The following TSPO variants were observed in gnomAD, a reference collection of about 807,000 sequenced individuals.
The protein encoded by TSPO is benzodiazepine peripheral binding site.
Under a neutral mutation model 13.9 loss-of-function variants are expected in TSPO, and 14 were observed. The ratio of observed to expected loss-of-function variants is 1.01; its 90% confidence interval spans 0.67 to 1.58. The LOEUF (loss-of-function observed/expected upper bound fraction) is 1.58. TSPO is among the 40% of genes most tolerant of loss of function. The pLI, the probability that TSPO is intolerant of heterozygous loss-of-function variation, is 0.00. For synonymous variants in TSPO, 114 were observed against 105.9 expected, an observed-to-expected ratio of 1.08 and a Z score of -0.47; for missense variants, 232 against 229.6, an observed-to-expected ratio of 1.01 and a Z score of -0.07.
intron 1 of TSPO, among the ~76,000 whole-genome samples, chr22:43,153,720 CTTTTT>C (rs992811026): frequency 6.6e-6 from 1 of 151,426 alleles, no homozygotes; most frequent in African/African-American, 2.4e-5. Flanking sequence ...AAACGGTAGT[CTTTTT>C]TATTTTTTTT....
Position 43,163,005 on chromosome 22 carries a change from C to A in TSPO, c.*14C>A. 1.3e-6 allele frequency: 2 copies of A among 1,578,160 alleles called. No individual in the cohort carries two copies. The highest frequency in any genetic ancestry group is 2.3e-5 in the East Asian group (1 of 42,738). On this transcript the variant is annotated 3_prime_UTR_variant, in exon 4 of 4. Coordinates refer to ENST00000337554, the MANE Select transcript of TSPO (RefSeq NM_000714.6). Reference sequence around the variant, plus strand: ...CTGCCAGAGTGAGTGCCCGGCCCACCAGGGACTGCAGCTGCACCAGCAGGT... The same window carrying A: ...CTGCCAGAGTGAGTGCCCGGCCCACAAGGGACTGCAGCTGCACCAGCAGGT...
At chr22:43,161,310 GTC>G in intron 3 of TSPO, 120 bp downstream of exon 3, 2 of 1,404,590 alleles carry the variant, frequency 1.4e-6, no homozygotes, top group Non-Finnish European at 9.5e-7. Context: ...AAAAGGCCAT[GTC>G]TCTCTAGCTG....
In TSPO at chr22:43,160,784, C is replaced by T. The variant is rs1016094158; in HGVS notation, c.183-268C>T. The stretch of plus-strand genomic sequence containing the variant: ...CTACCTATTCACACCATGTGCTTCC[C>T]TTTCATAGCAGTGACAGTGATAATA... On this transcript the variant is annotated intron_variant, in intron 2 of 3. Transcript: ENST00000337554. 3.3e-5 allele frequency among the ~76,000 whole-genome samples: 5 copies of T among 152,360 alleles called. 1 individual carries two copies. Among genetic ancestry groups the T allele is most frequent in the African/African-American group, 1.2e-4 (5 of 41,584 alleles).
intron 1 of TSPO, among the ~76,000 whole-genome samples, chr22:43,155,118 A>G (rs887721978): frequency 7.1e-6 from 1 of 141,432 alleles, no homozygotes; most frequent in Non-Finnish European, 1.5e-5. Flanking sequence ...GCTCAAAGGG[A>G]GGGGTGGGGT....
chr22:43,155,029 G>A (rs1931206342), intron 1 of TSPO, among the ~76,000 whole-genome samples: 1 of 152,032 alleles, frequency 6.6e-6, no homozygotes, highest in Non-Finnish European at 1.5e-5. Flanking sequence ...TGTTTCAGAT[G>A]AGGAAGGAGG....
Position 43,159,227 on chromosome 22 carries a change from G to T in TSPO, c.-12G>T. The T allele has an allele frequency of 6.5e-7, 1 of 1,534,296 alleles. No homozygotes were observed. ...TCTTTCAGAGCTCCCCTGAACAGCA[G>T]CTGCAGCAGCCATGGCCCCGCCCTG... On this transcript the variant is annotated 5_prime_UTR_variant, in exon 2 of 4. Transcript: ENST00000337554.
At chr22:43,159,827 G>A (rs1427322268) in intron 2 of TSPO, among the ~76,000 whole-genome samples, 2 of 152,150 alleles carry the variant, frequency 1.3e-5, no homozygotes, top group African/African-American at 2.4e-5. Context: ...ATAATAAGAG[G>A]CCTCCCAAGG....
chr22:43,161,406 G>C (rs1214104113), intron 3 of TSPO, among the ~76,000 whole-genome samples: 3 of 152,190 alleles, frequency 2.0e-5, no homozygotes, highest in South Asian at 4.1e-4. Context: ...TGCAGGGGTG[G>C]GTTTGGGGGC....
chr22:43,156,476 T>C (rs1356691139), intron 1 of TSPO, among the ~76,000 whole-genome samples: 1 of 141,410 alleles, frequency 7.1e-6, no homozygotes, highest in Non-Finnish European at 1.5e-5. Flanking sequence ...GTGATTCCAT[T>C]GATACCAAAT....
intron 1 of TSPO, among the ~76,000 whole-genome samples, chr22:43,152,869 C>A: frequency 6.6e-6 from 1 of 152,212 alleles, no homozygotes; most frequent in East Asian, 1.9e-4. Flanking sequence ...CGTCTGTACA[C>A]ACTTGTGCCT....
At chr22:43,154,143 T>C (rs5759197) in intron 1 of TSPO, among the ~76,000 whole-genome samples, 76,356 of 151,936 alleles carry the variant, frequency 0.5, 22,733 homozygotes, top group East Asian at 0.98. Flanking sequence ...TGGTTACTTT[T>C]GTAATGAAAA....
Position 43,159,259 on chromosome 22 carries a change from C to G in TSPO, c.21C>G (p.Pro7=). Residue 7 remains proline (P), a synonymous_variant, in exon 2 of 4, where the codon CCC becomes CCG. Transcript: ENST00000337554. The part of the protein sequence containing the change: MAPPWV[P]AMGFTLAPSL... ...CAGCCATGGCCCCGCCCTGGGTGCCCGCCATGGGCTTCACGCTGGCGCCCA... is the reference window on the plus strand; with the variant it reads ...CAGCCATGGCCCCGCCCTGGGTGCCGGCCATGGGCTTCACGCTGGCGCCCA... 6.4e-7 allele frequency: 1 copy of G among 1,558,084 alleles called. No homozygotes were observed. The highest frequency in any genetic ancestry group is 2.4e-5 in the East Asian group (1 of 41,814).
Position 43,162,788 on chromosome 22 carries a change from C to T in TSPO, c.322-15C>T, listed in dbSNP as rs1283605594. ...GCCTCAGGCCTCCCCATCCTCCGTC[C>T]CCCAATCTCTGCAGGCCTTGGTGGA... On this transcript the variant is annotated splice_polypyrimidine_tract_variant and intron_variant, in intron 3 of 3. Coordinates refer to ENST00000337554, the MANE Select transcript of TSPO (RefSeq NM_000714.6). 6.5e-7 allele frequency: 1 copy of T among 1,547,362 alleles called. No individual in the cohort carries two copies. Among genetic ancestry groups the T allele is most frequent in the South Asian group, 1.2e-5 (1 of 82,160 alleles).
intron 1 of TSPO, 74 bp from the exon 2 acceptor site, chr22:43,159,136 G>A: frequency 2.5e-6 from 3 of 1,214,822 alleles, no homozygotes; most frequent in Non-Finnish European, 3.3e-6. Flanking sequence ...GGCCTTTCGG[G>A]GATGCTGGAG....
chr22:43,153,336 C>CTTTTTTTT, intron 1 of TSPO, among the ~76,000 whole-genome samples: 1 of 50,746 alleles, frequency 2.0e-5, no homozygotes, highest in Non-Finnish European at 3.5e-5. Context: ...TTTGTGTTTT[C>CTTTTTTTT]TTTTTTTTTT....
chr22:43,155,699 T>A (rs908978209), intron 1 of TSPO, among the ~76,000 whole-genome samples: 1 of 151,382 alleles, frequency 6.6e-6, no homozygotes, highest in South Asian at 2.1e-4. Flanking sequence ...CCACCTGACG[T>A]TGGAGGAAGC....
intron 3 of TSPO, among the ~76,000 whole-genome samples, chr22:43,162,418 G>T (rs945862562): frequency 6.6e-6 from 1 of 152,174 alleles, no homozygotes; most frequent in Admixed American, 6.6e-5. Flanking sequence ...CACTGCACCT[G>T]ACAAATAGCA....
At chr22:43,151,645 G>A (rs1043837815) in intron 1 of TSPO, 41 bp downstream of exon 1, 1 of 152,388 alleles carries the variant, frequency 6.6e-6, no homozygotes, top group African/African-American at 2.4e-5. Flanking sequence ...CGGGAAGTGG[G>A]GGCCCGCATG....
intron 1 of TSPO, among the ~76,000 whole-genome samples, chr22:43,155,947 C>CCCT (rs1215538258): frequency 1.3e-5 from 2 of 152,196 alleles, no homozygotes; most frequent in African/African-American, 2.4e-5. Context: ...TGGTGGGTAC[C>CCCT]GCCCCTGCCC....
Sources: allele counts gnomAD v4.1 joint callset (sites outside exome capture counted in the v4.1 genomes callset), GRCh38; gene constraint gnomAD v4.1.1; transcripts MANE v1.5; gene names NCBI Gene and HGNC (gene_info 2026-07-23, HGNC 2026-07-21).